The following VIPR2 variants were observed in gnomAD, a reference collection of about 807,000 sequenced individuals.
The protein encoded by VIPR2 is vasoactive intestinal polypeptide receptor 2.
VIPR2 carries 48 observed loss-of-function variants against 58.0 expected under a neutral mutation model. The observed-to-expected ratio is 0.83, with a 90% confidence interval of 0.66 to 1.05. The LOEUF is 1.05. VIPR2 is among the 50% of genes least tolerant of loss of function. VIPR2 has a pLI of 0.00. For missense variants in VIPR2, 534 were observed against 558.0 expected, an observed-to-expected ratio of 0.96 and a Z score of 0.43; for synonymous variants, 243 against 235.2, an observed-to-expected ratio of 1.03 and a Z score of -0.30.
At chr7:159,063,239 G>A (rs1004917994) in intron 4 of VIPR2, among the ~76,000 whole-genome samples, 3 of 152,160 alleles carry the variant, frequency 2.0e-5, no homozygotes, top group Non-Finnish European at 4.4e-5. Context: ...GCGGGGTGGG[G>A]GGAGACTCGG....
At chr7:159,037,884 T>A (rs1473000444) in intron 6 of VIPR2, among the ~76,000 whole-genome samples, 1 of 152,190 alleles carries the variant, frequency 6.6e-6, no homozygotes, top group East Asian at 1.9e-4. Flanking sequence ...TAGACATATG[T>A]AGGTGGGTGT....
At chr7:159,082,117 A>G (rs553866914) in intron 4 of VIPR2, among the ~76,000 whole-genome samples, 8 of 152,362 alleles carry the variant, frequency 5.3e-5, no homozygotes, top group Admixed American at 6.5e-5. Context: ...ATTACTGGGT[A>G]TATACCCAAA....
intron 4 of VIPR2, 121 bp downstream of exon 4, chr7:159,103,636 A>G (rs1409394241): frequency 1.3e-5 from 10 of 745,640 alleles, no homozygotes; most frequent in Non-Finnish European, 2.3e-5. Flanking sequence ...AGAAAGTAGC[A>G]TTGGTACTCA....
intron 5 of VIPR2, among the ~76,000 whole-genome samples, chr7:159,049,103 A>G (rs1854828733): frequency 6.6e-6 from 1 of 152,152 alleles, no homozygotes; most frequent in Admixed American, 6.5e-5. Context: ...CTCTCTTGGA[A>G]TTCTCTTCTT....
chr7:159,096,540 T>C lies in VIPR2; in HGVS notation c.357+7217A>G, dbSNP rs976656788. 4.6e-5 allele frequency among the ~76,000 whole-genome samples: 7 copies of C among 152,222 alleles called. No homozygotes were observed. The highest frequency in any genetic ancestry group is 1.0e-4 in the Non-Finnish European group (7 of 68,042). Reference sequence around the variant, plus strand: ...CGGATTCCTTTAGAACTTAAAGAACTTGGAGACCCAATCGCCATCCCCAGG... The same window carrying C: ...CGGATTCCTTTAGAACTTAAAGAACCTGGAGACCCAATCGCCATCCCCAGG... On this transcript the variant is annotated intron_variant, in intron 4 of 12. Transcript: ENST00000262178. The surrounding 1 kb of genome is among the most constrained non-coding windows in gnomAD (Gnocchi z 5.5).
rs1263124451 is a variant in VIPR2, at chr7:159,139,868, T to G, written c.151+2578A>C. On this transcript the variant is annotated intron_variant, in intron 2 of 12. Coordinates refer to ENST00000262178, the MANE Select transcript of VIPR2 (RefSeq NM_003382.5). ...CCCTCAGGGACCTGTGCCTTCCACC[T>G]GCGAGTTGGCATGGGCCATGGAAAC... Among the ~76,000 whole-genome samples, 67 of 152,376 alleles carry G rather than the reference T, an allele frequency of 4.4e-4. 2 individuals carry two copies. The highest frequency in any genetic ancestry group is 4.3e-3 in the Admixed American group (66 of 15,310).
At chr7:159,113,345 T>C (rs888647472) in intron 2 of VIPR2, among the ~76,000 whole-genome samples, 1 of 152,218 alleles carries the variant, frequency 6.6e-6, no homozygotes, top group Non-Finnish European at 1.5e-5. Context: ...ACATACCCCC[T>C]GGCTTGCTCA....
chr7:159,085,456 C>A (rs138188330), intron 4 of VIPR2, among the ~76,000 whole-genome samples: 1 of 152,104 alleles, frequency 6.6e-6, no homozygotes, highest in African/African-American at 2.4e-5. Context: ...CCACCACGCC[C>A]GGCTAATTTT....
rs1033011877 is a variant in VIPR2, at chr7:159,096,200, G to A, written c.357+7557C>T. Among the ~76,000 whole-genome samples the A allele has an allele frequency of 2.0e-5, 3 of 152,210 alleles. No homozygotes were observed. Among genetic ancestry groups the A allele is most frequent in the African/African-American group, 7.2e-5 (3 of 41,458 alleles). On this transcript the variant is annotated intron_variant, in intron 4 of 12. Transcript: ENST00000262178. This position sits in a 1 kb window ranked among gnomAD's most constrained non-coding sequence, Gnocchi z 5.5. The stretch of plus-strand genomic sequence containing the variant: ...CCACCCAAGGCTGCCCAAGCCCAAA[G>A]ACAGGCCTCCTATCCATCGAGGCCC...
At chr7:159,125,244 C>A (rs951562567) in intron 2 of VIPR2, among the ~76,000 whole-genome samples, 2 of 152,210 alleles carry the variant, frequency 1.3e-5, no homozygotes, top group Non-Finnish European at 2.9e-5. Context: ...GAACCACGGA[C>A]ATTTTCTCTG....
At chr7:159,120,370 G>A (rs1329787797) in intron 2 of VIPR2, among the ~76,000 whole-genome samples, 2 of 152,006 alleles carry the variant, frequency 1.3e-5, no homozygotes, top group African/African-American at 4.8e-5. Flanking sequence ...TGCTCACCAA[G>A]GAGGGGCTGC....
chr7:159,052,071 A>G (rs1230650561), intron 5 of VIPR2, among the ~76,000 whole-genome samples: 1 of 152,224 alleles, frequency 6.6e-6, no homozygotes, highest in Non-Finnish European at 1.5e-5. Context: ...TCAAACGAAA[A>G]TGAAACTTTT....
intron 6 of VIPR2, among the ~76,000 whole-genome samples, chr7:159,039,099 G>A (rs902723606): frequency 8.5e-5 from 13 of 152,270 alleles, no homozygotes; most frequent in South Asian, 6.2e-4. Context: ...GTGATCCCAC[G>A]TGCAGCTGTC....
intron 2 of VIPR2, among the ~76,000 whole-genome samples, chr7:159,114,995 G>A (rs550728048): frequency 1.1e-4 from 17 of 152,298 alleles, no homozygotes; most frequent in African/African-American, 4.1e-4. Flanking sequence ...GCAGATGAAA[G>A]AAGAACTAAG....
At chr7:159,144,347 C>T in intron 1 of VIPR2, 4 of 1,537,052 alleles carry the variant, frequency 2.6e-6, no homozygotes, top group African/African-American at 1.4e-5. Context: ...ACGCCAACCC[C>T]GATCTCCCCG....
rs1363450640 is a variant in VIPR2, at chr7:159,096,916, CGAT to C, written c.357+6838_357+6840del. The C allele has an allele frequency of 3.9e-6, 6 of 1,550,674 alleles. No homozygotes were observed. Among genetic ancestry groups the C allele is most frequent in the Non-Finnish European group, 5.2e-6 (6 of 1,147,122 alleles). On this transcript the variant is annotated intron_variant, in intron 4 of 12. Transcript: ENST00000262178. The surrounding 1 kb of genome is among the most constrained non-coding windows in gnomAD (Gnocchi z 5.5). The stretch of plus-strand genomic sequence containing the variant: ...CCTTGCTGTCCCCGTTCCCATCACT[CGAT>C]GAGCCAATGCCCTCGTGGCTGGCAT...
rs1459390101 is a variant in VIPR2, at chr7:159,142,552, A to G, written c.52-7T>C. On this transcript the variant is annotated splice_region_variant and splice_polypyrimidine_tract_variant and intron_variant, in intron 1 of 12. Transcript: ENST00000262178. ...CTGGGTGAATGCTGTTCACCTGTTC[A>G]CGGTTAAAAGAAATATTAATAACTA... is the stretch of plus-strand genomic sequence containing the variant. 1 of 1,600,844 alleles carries G rather than the reference A, an allele frequency of 6.2e-7. No individual in the cohort carries two copies. The highest frequency in any genetic ancestry group is 1.3e-5 in the African/African-American group (1 of 74,420).
chr7:159,132,079 T>G (rs1796934716), intron 2 of VIPR2, among the ~76,000 whole-genome samples: 2 of 151,684 alleles, frequency 1.3e-5, no homozygotes. Flanking sequence ...CTCACATTCC[T>G]TCAGGGGAGT....
intron 3 of VIPR2, 89 bp downstream of exon 3, chr7:159,109,723 A>G (rs1446149000): frequency 1.6e-5 from 20 of 1,238,288 alleles, no homozygotes; most frequent in Non-Finnish European, 2.4e-5. Context: ...CCTGAAGGAA[A>G]GTGATGTTCC....
Sources: allele counts gnomAD v4.1 joint callset (sites outside exome capture counted in the v4.1 genomes callset), GRCh38; gene constraint gnomAD v4.1.1; non-coding constraint Gnocchi (gnomAD v3.1); transcripts MANE v1.5; gene names NCBI Gene and HGNC (gene_info 2026-07-23, HGNC 2026-07-21).